The following ATP11B variants were observed in gnomAD, a reference collection of about 807,000 sequenced individuals.
The protein encoded by ATP11B is ATPase phospholipid transporting 11B (putative), also known as phospholipid-transporting ATPase IF.
ATP11B carries 81 observed loss-of-function variants against 157.8 expected under a neutral mutation model. The observed-to-expected ratio is 0.51, with a 90% CI of 0.43 to 0.62. ATP11B has a LOEUF of 0.62. Among genes scored for constraint, ATP11B ranks in the 20% least tolerant of loss-of-function variants. The probability of loss-of-function intolerance (pLI) is 0.00; values close to 1 mark genes in which losing one functional copy is unlikely to be tolerated. For missense variants in ATP11B, 1,165 were observed against 1,402.2 expected, an observed-to-expected ratio of 0.83 and a Z score of 2.70; for synonymous variants, 451 against 469.4, an observed-to-expected ratio of 0.96 and a Z score of 0.51.
At chr3:182,916,374 C>T (rs972111743) in intron 29 of ATP11B, 2 of 985,166 alleles carry the variant, frequency 2.0e-6, no homozygotes, top group African/African-American at 3.5e-5. Flanking sequence ...TTGAGAAATG[C>T]CACCAGTGTT....
intron 23 of ATP11B, among the ~76,000 whole-genome samples, chr3:182,887,207 G>C (rs1366348688): frequency 1.3e-5 from 2 of 152,110 alleles, no homozygotes. Context: ...GGGAGACAAA[G>C]CCATGAAAGG....
intron 1 of ATP11B, among the ~76,000 whole-genome samples, chr3:182,817,761 T>C (rs1307790298): frequency 6.6e-6 from 1 of 152,144 alleles, no homozygotes; most frequent in Non-Finnish European, 1.5e-5. Context: ...AACTGAGGTG[T>C]TGCTGTAGTT....
At chr3:182,870,705 G>A (rs142390726) in intron 17 of ATP11B, among the ~76,000 whole-genome samples, 3 of 152,218 alleles carry the variant, frequency 2.0e-5, no homozygotes, top group African/African-American at 7.2e-5. Flanking sequence ...TGGGCGCGGT[G>A]GCTCACACCT....
chr3:182,800,907 C>T (rs1715966920), intron 1 of ATP11B, among the ~76,000 whole-genome samples: 3 of 95,754 alleles, frequency 3.1e-5, no homozygotes, highest in South Asian at 7.5e-4. Context: ...TCAGGTGATT[C>T]TCCTGCCTCA....
At chr3:182,798,585 G>T (rs3897896) in intron 1 of ATP11B, among the ~76,000 whole-genome samples, 5 of 152,190 alleles carry the variant, frequency 3.3e-5, no homozygotes, top group African/African-American at 1.2e-4. Context: ...AGGAAACTCA[G>T]GTATTCCCAG....
At chr3:182,818,010 T>C (rs772080458) in intron 1 of ATP11B, among the ~76,000 whole-genome samples, 1 of 152,232 alleles carries the variant, frequency 6.6e-6, no homozygotes, top group Non-Finnish European at 1.5e-5. Flanking sequence ...TAAAGAGAAG[T>C]AGTAACATAT....
At chr3:182,914,424 T>C in intron 29 of ATP11B, 1 of 986,048 alleles carries the variant, frequency 1.0e-6, no homozygotes, top group Non-Finnish European at 1.2e-6. Context: ...TTCCTTTTCT[T>C]ACTCTGTATG....
Position 182,898,770 on chromosome 3 carries a change from C to G in ATP11B, c.3316C>G (p.Gln1106Glu), listed in dbSNP as rs375499354. Residue 1106 changes from glutamine (Q) to glutamate (E), a missense_variant and splice_region_variant, in exon 28 of 30, where the codon CAG becomes GAG. Around this residue, in one of 4 missense-constraint regions of ATP11B, gnomAD observed 303 missense variants for 296.3 expected, o/e 1.02. Coordinates refer to ENST00000323116, the MANE Select transcript of ATP11B (RefSeq NM_014616.3). ...HLHPTSTEKA[Q>E]LTETNAGIKC... Reference sequence around the variant, plus strand: ...CCACCCTACAAGTACTGAAAAGGCACAGGTAACCACTTTTTATAATAAATT... The same window carrying G: ...CCACCCTACAAGTACTGAAAAGGCAGAGGTAACCACTTTTTATAATAAATT... The G allele has an allele frequency of 4.5e-5, 68 of 1,506,994 alleles. No homozygotes were observed. Among genetic ancestry groups the G allele is most frequent in the Non-Finnish European group, 5.8e-5 (66 of 1,129,380 alleles). 93.4% of individuals were successfully genotyped at this position (1,506,994 alleles called of 1,614,324 possible).
chr3:182,833,515 GAC>G (rs993498565), intron 4 of ATP11B, among the ~76,000 whole-genome samples: 1 of 151,958 alleles, frequency 6.6e-6, no homozygotes, highest in African/African-American at 2.4e-5. Context: ...TTTTTGTAGA[GAC>G]AGGGTTTCGC....
intron 24 of ATP11B, 88 bp downstream of exon 24, chr3:182,887,801 T>C: frequency 2.2e-6 from 3 of 1,369,108 alleles, no homozygotes; most frequent in South Asian, 2.7e-5. Flanking sequence ...ATTAATGCTT[T>C]ACTAAGGAAA....
At chr3:182,838,409 T>G (rs1280934678) in intron 7 of ATP11B, among the ~76,000 whole-genome samples, 3 of 151,878 alleles carry the variant, frequency 2.0e-5, no homozygotes, top group Non-Finnish European at 4.4e-5. Flanking sequence ...TAACTAATGC[T>G]TTGGTGTATG....
At position 182,884,891 on chromosome 3, in the gene ATP11B, T is replaced by G; in HGVS notation, c.2648T>G (p.Phe883Cys). The G allele has an allele frequency of 7.1e-7, 1 of 1,417,740 alleles. No individual in the cohort carries two copies. Among genetic ancestry groups the G allele is most frequent in the Non-Finnish European group, 9.6e-7 (1 of 1,040,336 alleles). 87.8% of individuals were successfully genotyped at this position (1,417,740 alleles called of 1,614,324 possible). A position where few individuals can be genotyped will look rare whatever the true frequency, so the allele number is the denominator to read the frequency against. ...IRIATLVQYF[F>C]YKNVCFITPQ... is the part of the protein sequence containing the mutation. ...ATAGCTACCCTTGTACAGTATTTTT[T>G]TTATAAGGTGAGTTTCATGTATTTA... Residue 883 changes from phenylalanine to cysteine, a missense_variant, in exon 22 of 30, where the codon TTT (phenylalanine) becomes TGT (cysteine). Around this residue, in one of 4 missense-constraint regions of ATP11B, gnomAD observed 737 missense variants for 930.5 expected, o/e 0.79. Coordinates refer to ENST00000323116, the MANE Select transcript of ATP11B (RefSeq NM_014616.3).
At chr3:182,900,978 G>A (rs1302455048) in intron 28 of ATP11B, among the ~76,000 whole-genome samples, 1 of 151,850 alleles carries the variant, frequency 6.6e-6, no homozygotes, top group African/African-American at 2.4e-5. Context: ...TCAGGAGATC[G>A]AGACCATCCT....
intron 1 of ATP11B, among the ~76,000 whole-genome samples, chr3:182,813,780 T>C (rs2108492988): frequency 6.6e-6 from 1 of 152,230 alleles, no homozygotes; most frequent in Admixed American, 6.5e-5. Flanking sequence ...CAGGCTGGAG[T>C]GCAGTGGCAT....
intron 9 of ATP11B, 67 bp downstream of exon 9, chr3:182,845,589 A>G (rs771024083): frequency 1.7e-4 from 170 of 993,604 alleles, no homozygotes; most frequent in Non-Finnish European, 2.1e-4. Flanking sequence ...GTACTTTTAA[A>G]AGTACAATGT....
intron 10 of ATP11B, among the ~76,000 whole-genome samples, chr3:182,852,807 A>G (rs978566095): frequency 8.5e-5 from 13 of 152,210 alleles, no homozygotes; most frequent in Non-Finnish European, 1.6e-4. Flanking sequence ...TAGATGGGAA[A>G]TGTACGGAAA....
intron 17 of ATP11B, among the ~76,000 whole-genome samples, chr3:182,872,093 G>C (rs1216063555): frequency 6.6e-6 from 1 of 152,200 alleles, no homozygotes; most frequent in Non-Finnish European, 1.5e-5. Context: ...GGGATTACAG[G>C]CGTGAGCCAC....
At chr3:182,881,982 CTAA>C (rs1261020627) in intron 21 of ATP11B, among the ~76,000 whole-genome samples, 1 of 152,190 alleles carries the variant, frequency 6.6e-6, no homozygotes, top group Non-Finnish European at 1.5e-5. Flanking sequence ...ATTCAGACTG[CTAA>C]TGTCATTTCA....
At chr3:182,835,348 T>C (rs572842128) in intron 4 of ATP11B, among the ~76,000 whole-genome samples, 9 of 152,342 alleles carry the variant, frequency 5.9e-5, no homozygotes, top group African/African-American at 1.7e-4. Context: ...TTTCTACTTA[T>C]TGTCTGTAAT....
Sources: allele counts gnomAD v4.1 joint callset (sites outside exome capture counted in the v4.1 genomes callset), GRCh38; gene constraint gnomAD v4.1.1; regional missense constraint gnomAD v4.1.1; transcripts MANE v1.5; gene names NCBI Gene and HGNC (gene_info 2026-07-23, HGNC 2026-07-21).